Variants in PRR5 observed in about 807,000 individuals in gnomAD.
PRR5 encodes proline rich 5, also known as proline-rich protein 5.
PRR5 carries 25 observed loss-of-function variants against 30.6 expected under a neutral mutation model. The observed-to-expected ratio is 0.82, with a 90% CI of 0.60 to 1.14. The LOEUF (loss-of-function observed/expected upper bound fraction) is 1.14. PRR5 is among the 50% of genes most tolerant of loss of function. The pLI, the probability that PRR5 is intolerant of heterozygous loss-of-function variation, is 0.00. For missense variants in PRR5, 600 were observed against 547.1 expected, an observed-to-expected ratio of 1.10 and a Z score of -0.96; for synonymous variants, 286 against 247.1, an observed-to-expected ratio of 1.16 and a Z score of -1.48.
At chr22:44,711,488 G>A (rs1299973850) in intron 1 of PRR5, among the ~76,000 whole-genome samples, 2 of 151,618 alleles carry the variant, frequency 1.3e-5, no homozygotes, top group African/African-American at 4.9e-5. Context: ...CATGGTGTAG[G>A]GTCACCTCTG....
intron 2 of PRR5, among the ~76,000 whole-genome samples, chr22:44,719,641 G>C (rs2147103999): frequency 1.3e-5 from 2 of 152,324 alleles, no homozygotes; most frequent in Middle Eastern, 3.4e-3. Context: ...CAGGGTGTCT[G>C]TCTGGGGCAG....
intron 1 of PRR5, among the ~76,000 whole-genome samples, chr22:44,708,842 CTGTAG>C (rs1927662384): frequency 6.6e-6 from 1 of 151,850 alleles, no homozygotes; most frequent in African/African-American, 2.4e-5. Context: ...TGGTGGGCGC[CTGTAG>C]TCCTAGCTAC....
intron 5 of PRR5, 105 bp downstream of exon 5, chr22:44,731,926 C>G: frequency 8.2e-7 from 1 of 1,213,608 alleles, no homozygotes; most frequent in Non-Finnish European, 1.2e-6. Flanking sequence ...CACACACCTG[C>G]TCTGCTCTGT....
At chr22:44,719,115 G>A (rs917164102) in intron 2 of PRR5, among the ~76,000 whole-genome samples, 15 of 150,122 alleles carry the variant, frequency 1.0e-4, no homozygotes, top group African/African-American at 3.4e-4. Context: ...AAGAGACTAG[G>A]TCTCGACTTG....
chr22:44,727,601 C>T lies in PRR5; in HGVS notation c.322+967C>T, dbSNP rs550349444. 8.9e-4 allele frequency among the ~76,000 whole-genome samples: 135 copies of T among 152,310 alleles called. 1 individual carries two copies. The highest frequency in any genetic ancestry group is 3.1e-3 in the African/African-American group (128 of 41,578). On this transcript the variant is annotated intron_variant, in intron 4 of 7. Transcript: ENST00000336985. ...TCCTGCCCAGGCCACACAGCTGCAC[C>T]GTGGCAAGGCCAGGGTGCCAAGCAG...
upstream of PRR5, chr22:44,702,155 C>G: frequency 4.7e-6 from 2 of 425,260 alleles, no homozygotes; most frequent in Non-Finnish European, 3.2e-6. Context: ...CCGCCCCGCC[C>G]CCCGGGGCGC....
chr22:44,731,915 A>G, intron 5 of PRR5, 94 bp downstream of exon 5: 2 of 1,287,670 alleles, frequency 1.6e-6, no homozygotes, highest in South Asian at 2.7e-5. Flanking sequence ...GCTTGGGGAC[A>G]CACACACCTG....
chr22:44,675,796 T>TTATTATTATTAC (rs1289110495), upstream of PRR5, among the ~76,000 whole-genome samples: 6 of 146,362 alleles, frequency 4.1e-5, no homozygotes, highest in South Asian at 2.1e-4. Context: ...ATTATTATTA[T>TTATTATTATTAC]TACTTAGGTC....
chr22:44,674,945 C>CA (rs136918), upstream of PRR5, among the ~76,000 whole-genome samples: 16 of 140,420 alleles, frequency 1.1e-4, no homozygotes, highest in South Asian at 6.9e-4. Context: ...GACGCTGTCT[C>CA]AAAAAAAAAA....
intron 2 of PRR5, among the ~76,000 whole-genome samples, chr22:44,723,446 G>A (rs1461776459): frequency 6.6e-6 from 1 of 152,216 alleles, no homozygotes; most frequent in Non-Finnish European, 1.5e-5. Flanking sequence ...GGGGCCAGGT[G>A]CAGTGGCTCA....
At chr22:44,724,876 G>A (rs1213806379) in intron 2 of PRR5, among the ~76,000 whole-genome samples, 1 of 152,222 alleles carries the variant, frequency 6.6e-6, no homozygotes, top group Non-Finnish European at 1.5e-5. Context: ...TGGCATCCGG[G>A]ATTTGGACAG....
intron 2 of PRR5, among the ~76,000 whole-genome samples, chr22:44,723,458 G>C (rs183206263): frequency 6.6e-6 from 1 of 152,124 alleles, no homozygotes; most frequent in Non-Finnish European, 1.5e-5. Flanking sequence ...AGTGGCTCAC[G>C]CCTGTAATCC....
chr22:44,689,292 C>G (rs1307193288), intron 1 of PRR5, among the ~76,000 whole-genome samples: 2 of 152,152 alleles, frequency 1.3e-5, no homozygotes, highest in Non-Finnish European at 2.9e-5. Context: ...TTTGGAGTTC[C>G]GAGGAATCCA....
rs1049899432 is a variant in PRR5, at chr22:44,718,024, C to T, written c.215+3353C>T. ...GCCGTTGCACCCAGCCTGCCTGCTT[C>T]GCTTCTTTTCATGCCATATCATATT... On this transcript the variant is annotated intron_variant, in intron 2 of 7. Coordinates refer to ENST00000336985, the MANE Select transcript of PRR5 (RefSeq NM_181333.4). Among the ~76,000 whole-genome samples the T allele has an allele frequency of 4.6e-5, 7 of 152,006 alleles. No homozygotes were observed. In the East Asian group the frequency reaches 9.8e-4, roughly 21 times the overall value.
intron 6 of PRR5, among the ~76,000 whole-genome samples, chr22:44,732,913 T>C (rs921385894): frequency 8.5e-5 from 12 of 141,542 alleles, no homozygotes; most frequent in Non-Finnish European, 1.2e-4. Flanking sequence ...GCATACACAC[T>C]ACACACGTGC....
At chr22:44,698,400 A>C (rs544778752), upstream of PRR5, among the ~76,000 whole-genome samples, 1 of 150,992 alleles carries the variant, frequency 6.6e-6, no homozygotes, top group Admixed American at 6.6e-5. Flanking sequence ...GGATGTGTGA[A>C]TGAGTCTGGA....
At chr22:44,707,026 C>T (rs1927320517) in intron 1 of PRR5, among the ~76,000 whole-genome samples, 1 of 152,194 alleles carries the variant, frequency 6.6e-6, no homozygotes, top group African/African-American at 2.4e-5. Flanking sequence ...CGGGCTCTCC[C>T]AGGCTGGTGG....
chr22:44,725,330 C>A (rs748357549), intron 3 of PRR5, 38 bp downstream of exon 3: 1 of 1,610,346 alleles, frequency 6.2e-7, no homozygotes, highest in South Asian at 1.1e-5. Context: ...GGGCCTGCCT[C>A]ATGAGCCAGC....
upstream of PRR5, among the ~76,000 whole-genome samples, chr22:44,675,591 G>C (rs1258998884): frequency 5.3e-5 from 8 of 152,102 alleles, no homozygotes; most frequent in Non-Finnish European, 1.2e-4. Context: ...TGTGACCCCA[G>C]GCAGGGCTCT....
Sources: allele counts gnomAD v4.1 joint callset (sites outside exome capture counted in the v4.1 genomes callset), GRCh38; gene constraint gnomAD v4.1.1; transcripts MANE v1.5; gene names NCBI Gene and HGNC (gene_info 2026-07-23, HGNC 2026-07-21).